Variants in DLG1 observed in about 807,000 individuals in gnomAD.
The protein encoded by DLG1 is disks large homolog 1.
Under a neutral mutation model 123.4 loss-of-function variants are expected in DLG1, and 42 were observed. That is an observed-to-expected ratio of 0.34 (90% CI 0.27 to 0.44). The LOEUF (loss-of-function observed/expected upper bound fraction) is 0.44. Ranked by LOEUF, DLG1 falls within the 20% of genes least tolerant of loss-of-function variation. DLG1 has a pLI of 1.00. For missense variants in DLG1, 942 were observed against 1,082.6 expected (o/e 0.87, Z 1.82); for synonymous variants, 317 against 356.2 (o/e 0.89, Z 1.24).
chr3:197,150,061 T>C (rs1452333907), intron 5 of DLG1, among the ~76,000 whole-genome samples: 4 of 152,186 alleles, frequency 2.6e-5, no homozygotes, highest in Admixed American at 2.6e-4. Context: ...CAGATCACCA[T>C]AGCCTTCTCA....
At chr3:197,242,556 T>TA (rs58174342) in intron 4 of DLG1, among the ~76,000 whole-genome samples, 4,391 of 139,380 alleles carry the variant, frequency 0.032, 150 homozygotes, top group African/African-American at 0.085. Context: ...TCTGAACAAA[T>TA]AAAAAAAAAA....
At chr3:197,292,255 T>C (rs1351098785) in intron 3 of DLG1, among the ~76,000 whole-genome samples, 1 of 152,202 alleles carries the variant, frequency 6.6e-6, no homozygotes, top group Non-Finnish European at 1.5e-5. Context: ...AAATGCGGTA[T>C]ATACATACAA....
At chr3:197,079,566 A>G (rs566550834) in intron 17 of DLG1, among the ~76,000 whole-genome samples, 1 of 152,330 alleles carries the variant, frequency 6.6e-6, no homozygotes, top group African/African-American at 2.4e-5. Flanking sequence ...TTCTTACAGT[A>G]TGAAAGGAAA....
Position 197,292,508 on chromosome 3 carries a change from A to C in DLG1, c.151+3838T>G, listed in dbSNP as rs576772424. 9.9e-4 allele frequency among the ~76,000 whole-genome samples: 151 copies of C among 152,342 alleles called. No homozygotes were observed. The South Asian group carries it at 0.031, about 31-fold the overall frequency. On this transcript the variant is annotated intron_variant, in intron 3 of 24. Transcript: ENST00000667157. ...TATAGGATTTCAGTTTTGCAAGACGAAAGTGTTCTGAAGATTTGTTTCACA... is the reference window on the plus strand; with the variant it reads ...TATAGGATTTCAGTTTTGCAAGACGCAAGTGTTCTGAAGATTTGTTTCACA...
intron 5 of DLG1, among the ~76,000 whole-genome samples, chr3:197,158,490 C>G (rs1030678897): frequency 1.4e-5 from 2 of 147,150 alleles, no homozygotes; most frequent in Non-Finnish European, 3.0e-5. Context: ...AAAAATTAGC[C>G]GGGCGTGGTG....
intron 5 of DLG1, among the ~76,000 whole-genome samples, chr3:197,186,055 T>C (rs1715756533): frequency 1.3e-5 from 2 of 152,188 alleles, no homozygotes; most frequent in African/African-American, 4.8e-5. Context: ...TCCAAATCCA[T>C]TCACATCAAG....
Position 197,101,509 on chromosome 3 carries a change from G to A in DLG1, c.1546+3394C>T, listed in dbSNP as rs186069843. 6.1e-3 allele frequency among the ~76,000 whole-genome samples: 917 copies of A among 151,362 alleles called. 4 individuals are homozygous for A. The highest frequency in any genetic ancestry group is 0.022 in the South Asian group (104 of 4,786). The stretch of plus-strand genomic sequence containing the variant: ...CACGCCATTCTCCTGCCTCAGCCTC[G>A]CGAGCAGCTGGGACTACAGGTGCCC... On this transcript the variant is annotated intron_variant, in intron 14 of 24. Coordinates refer to ENST00000667157, the MANE Select transcript of DLG1 (RefSeq NM_001366207.1).
chr3:197,194,651 G>C, intron 4 of DLG1, 62 bp from the exon 5 acceptor site: 1 of 1,243,950 alleles, frequency 8.0e-7, no homozygotes. Context: ...TCAAATCATG[G>C]TTTTCATAAC....
Position 197,296,953 on chromosome 3 carries a change from TG to T in DLG1, c.19+232del, listed in dbSNP as rs57644562. The T allele has an allele frequency of 3.0e-3, 1,512 of 504,958 alleles. 17 individuals are homozygous for T. Among genetic ancestry groups the T allele is most frequent in the African/African-American group, 0.025 (1,194 of 46,942 alleles). 31.3% of individuals were successfully genotyped at this position (504,958 alleles called of 1,614,324 possible). A position where few individuals can be genotyped will look rare whatever the true frequency, so the allele number is the denominator to read the frequency against. On this transcript the variant is annotated intron_variant, in intron 2 of 24. Transcript: ENST00000667157. ...ATTCAGGGTTATTAAGGACATCTGTTGGGGGGGGGCTAACTGCCTCTCTTAA... is the reference window on the plus strand; with the variant it reads ...ATTCAGGGTTATTAAGGACATCTGTTGGGGGGGGCTAACTGCCTCTCTTAA...
intron 5 of DLG1, among the ~76,000 whole-genome samples, chr3:197,188,079 G>A (rs145357957): frequency 2.1e-4 from 32 of 151,882 alleles, no homozygotes; most frequent in African/African-American, 4.1e-4. Context: ...ATTAATTCAC[G>A]GCATGTTTCA....
intron 17 of DLG1, chr3:197,078,396 A>C (rs1331205425): frequency 2.0e-5 from 3 of 152,000 alleles, no homozygotes; most frequent in African/African-American, 7.2e-5. Context: ...ACTTATTTTG[A>C]TAAAGATCTT....
At chr3:197,170,458 G>C (rs1388315357) in intron 5 of DLG1, among the ~76,000 whole-genome samples, 1 of 152,080 alleles carries the variant, frequency 6.6e-6, no homozygotes, top group Non-Finnish European at 1.5e-5. Flanking sequence ...ATTCTGAATG[G>C]TGTGAGATGG....
At chr3:197,195,375 A>G (rs534946516) in intron 4 of DLG1, among the ~76,000 whole-genome samples, 28 of 152,224 alleles carry the variant, frequency 1.8e-4, no homozygotes, top group Middle Eastern at 3.4e-3. Flanking sequence ...CACTACTGGG[A>G]AAAAAACCAG....
At chr3:197,260,150 T>C (rs1561742265) in intron 4 of DLG1, 1 of 278,020 alleles carries the variant, frequency 3.6e-6, no homozygotes, top group Non-Finnish European at 7.2e-6. Context: ...CACACATCTA[T>C]TTTCAAATCT....
intron 4 of DLG1, among the ~76,000 whole-genome samples, chr3:197,250,405 T>C (rs756395077): frequency 4.6e-5 from 7 of 151,116 alleles, no homozygotes; most frequent in Non-Finnish European, 8.9e-5. Context: ...CCAGGTCTAC[T>C]AAAAATACAA....
At chr3:197,110,012 C>A (rs1486043871) in intron 13 of DLG1, among the ~76,000 whole-genome samples, 2 of 152,100 alleles carry the variant, frequency 1.3e-5, no homozygotes, top group African/African-American at 4.8e-5. Flanking sequence ...CACTGAGGTT[C>A]TTGGATTAAT....
chr3:197,187,070 T>TAAGACAAG (rs954092268), intron 5 of DLG1, among the ~76,000 whole-genome samples: 11 of 152,214 alleles, frequency 7.2e-5, no homozygotes, highest in Non-Finnish European at 1.6e-4. Flanking sequence ...TGTATTGAGA[T>TAAGACAAG]AAGACAAGAC....
chr3:197,154,045 G>C (rs2149800236), intron 5 of DLG1, among the ~76,000 whole-genome samples: 1 of 151,748 alleles, frequency 6.6e-6, no homozygotes, highest in South Asian at 2.1e-4. Flanking sequence ...GCTTACGCCT[G>C]TAATCCTAGC....
intron 2 of DLG1, 160 bp downstream of exon 2, chr3:197,297,026 C>T (rs1777764912): frequency 1.3e-6 from 1 of 756,652 alleles, no homozygotes; most frequent in Admixed American, 2.9e-5. Flanking sequence ...TTCGTGTTTC[C>T]ATCTTCTGAA....
Sources: allele counts gnomAD v4.1 joint callset (sites outside exome capture counted in the v4.1 genomes callset), GRCh38; gene constraint gnomAD v4.1.1; transcripts MANE v1.5; gene names NCBI Gene and HGNC (gene_info 2026-07-23, HGNC 2026-07-21).